Variants in GPC6 observed in about 807,000 individuals in gnomAD.
GPC6 encodes the protein glypican-6.
GPC6 carries 14 observed loss-of-function variants against 55.2 expected under a neutral mutation model. The observed-to-expected ratio is 0.25, with a 90% confidence interval of 0.17 to 0.40. The LOEUF (loss-of-function observed/expected upper bound fraction) is 0.40, where lower values mean the gene tolerates loss of function less well. GPC6 is among the 10% of genes least tolerant of loss of function. GPC6 has a pLI of 1.00. For missense variants in GPC6, 641 were observed against 708.5 expected (o/e 0.90, Z 1.08); for synonymous variants, 278 against 259.6 (o/e 1.07, Z -0.68).
At chr13:93,761,790 A>ATAT in intron 2 of GPC6, among the ~76,000 whole-genome samples, 1 of 152,302 alleles carries the variant, frequency 6.6e-6, no homozygotes, top group African/African-American at 2.4e-5. Flanking sequence ...GTAATTTTCA[A>ATAT]TATATGTATG....
chr13:94,163,684 C>T (rs886378058), intron 4 of GPC6, among the ~76,000 whole-genome samples: 1 of 152,162 alleles, frequency 6.6e-6, no homozygotes, highest in Non-Finnish European at 1.5e-5. Flanking sequence ...AATGCAACTG[C>T]TCTGCAAGGT....
chr13:93,507,426 C>T (rs970778467), intron 1 of GPC6, among the ~76,000 whole-genome samples: 1 of 152,088 alleles, frequency 6.6e-6, no homozygotes, highest in Non-Finnish European at 1.5e-5. Context: ...CTAACTCCTC[C>T]CTTCCCCCAA....
At chr13:93,943,829 G>A (rs770469561) in intron 3 of GPC6, among the ~76,000 whole-genome samples, 1 of 152,194 alleles carries the variant, frequency 6.6e-6, no homozygotes, top group Non-Finnish European at 1.5e-5. Context: ...AATAGCTGAG[G>A]ACAAGCTGGG....
chr13:94,232,704 T>C (rs1370198581), intron 4 of GPC6, among the ~76,000 whole-genome samples: 1 of 152,156 alleles, frequency 6.6e-6, no homozygotes, highest in Admixed American at 6.5e-5. Context: ...GATTCTGTAA[T>C]GGCCCATAAA....
chr13:93,435,180 C>T (rs1877521099), intron 1 of GPC6, among the ~76,000 whole-genome samples: 2 of 152,082 alleles, frequency 1.3e-5, no homozygotes, highest in African/African-American at 4.8e-5. Flanking sequence ...AGTGGTGCAG[C>T]CATAGCTCAC....
At chr13:94,355,943 C>A (rs906814073) in intron 6 of GPC6, among the ~76,000 whole-genome samples, 2 of 152,142 alleles carry the variant, frequency 1.3e-5, no homozygotes, top group Non-Finnish European at 2.9e-5. Flanking sequence ...CCCCTGCCCC[C>A]ACAACAGGCC....
At position 93,356,609 on chromosome 13, in the gene GPC6, T is replaced by C. The variant is rs553562550; in HGVS notation, c.160+128993T>C. On this transcript the variant is annotated intron_variant, in intron 1 of 8. Transcript: ENST00000377047. The stretch of plus-strand genomic sequence containing the variant: ...TATGTCCAGTAAAAGTCACTCTAGT[T>C]GACTGAATGCGGTTGGTTATCATAG... Among the ~76,000 whole-genome samples, 61 of 152,318 alleles carry C rather than the reference T, an allele frequency of 4.0e-4. 1 individual carries two copies. Among genetic ancestry groups the C allele is most frequent in the Middle Eastern group, 3.4e-3 (1 of 294 alleles).
rs189424987 is a variant in GPC6 at position 94,089,100 on chromosome 13, C to T, written c.877+61206C>T. On this transcript the variant is annotated intron_variant, in intron 4 of 8. Transcript: ENST00000377047. ...ACCAAGAAGATTCTCTGAGAAATTC[C>T]TCCAATTCAATTGATTTAGAGCATG... Among the ~76,000 whole-genome samples the T allele has an allele frequency of 7.3e-3, 1,115 of 152,252 alleles. 6 individuals are homozygous for T. Among genetic ancestry groups the T allele is most frequent in the Non-Finnish European group, 0.012 (848 of 68,016 alleles).
chr13:93,376,059 T>A (rs1874881855), intron 1 of GPC6, among the ~76,000 whole-genome samples: 1 of 151,530 alleles, frequency 6.6e-6, no homozygotes, highest in South Asian at 2.1e-4. Flanking sequence ...CTTTTTTTTT[T>A]TTTTTTTGAT....
chr13:94,079,801 A>AT, intron 4 of GPC6, among the ~76,000 whole-genome samples: 1 of 152,218 alleles, frequency 6.6e-6, no homozygotes, highest in East Asian at 1.9e-4. Context: ...TGTTTCCTAC[A>AT]TCAGACTTTT....
intron 2 of GPC6, among the ~76,000 whole-genome samples, chr13:93,639,816 C>T (rs1033118896): frequency 2.0e-5 from 3 of 152,044 alleles, no homozygotes; most frequent in Non-Finnish European, 2.9e-5. Context: ...ACAGATTCTG[C>T]AATCTGGAAT....
At chr13:94,049,758 G>C (rs1308774712) in intron 4 of GPC6, among the ~76,000 whole-genome samples, 1 of 152,048 alleles carries the variant, frequency 6.6e-6, no homozygotes, top group Non-Finnish European at 1.5e-5. Context: ...ATTTATCACA[G>C]TGTACTTTAC....
intron 1 of GPC6, among the ~76,000 whole-genome samples, chr13:93,380,793 C>A: frequency 6.6e-6 from 1 of 152,092 alleles, no homozygotes; most frequent in East Asian, 1.9e-4. Flanking sequence ...TTTCTCTTTT[C>A]TTACTCATTG....
At chr13:93,378,041 C>G (rs1281519915) in intron 1 of GPC6, among the ~76,000 whole-genome samples, 5 of 152,244 alleles carry the variant, frequency 3.3e-5, no homozygotes, top group African/African-American at 9.6e-5. Context: ...TTTTTATTTG[C>G]ATTCAAAATC....
chr13:94,045,263 A>G (rs147352420), intron 4 of GPC6, among the ~76,000 whole-genome samples: 6 of 152,046 alleles, frequency 3.9e-5, no homozygotes, highest in African/African-American at 1.2e-4. Flanking sequence ...GAGTAGATAG[A>G]CCATAAAAAG....
At chr13:94,102,661 G>GT in intron 4 of GPC6, among the ~76,000 whole-genome samples, 1 of 152,040 alleles carries the variant, frequency 6.6e-6, no homozygotes, top group East Asian at 1.9e-4. Flanking sequence ...TGCTTTGTGT[G>GT]TCTATTTAGG....
At chr13:93,256,488 C>T (rs533687772) in intron 1 of GPC6, among the ~76,000 whole-genome samples, 2 of 152,202 alleles carry the variant, frequency 1.3e-5, no homozygotes, top group East Asian at 3.9e-4. Context: ...TTTGATTAGT[C>T]TTCCCTTAGT....
intron 2 of GPC6, among the ~76,000 whole-genome samples, chr13:93,572,662 C>T (rs1249707940): frequency 6.6e-6 from 1 of 152,084 alleles, no homozygotes; most frequent in Non-Finnish European, 1.5e-5. Context: ...TATAAATTCT[C>T]AGAGATAGTA....
intron 4 of GPC6, among the ~76,000 whole-genome samples, chr13:94,272,660 G>C (rs904154572): frequency 6.6e-6 from 1 of 151,648 alleles, no homozygotes; most frequent in African/African-American, 2.4e-5. Context: ...GGTAGAGACA[G>C]GGTTTCACCG....
Sources: allele counts gnomAD v4.1 joint callset (sites outside exome capture counted in the v4.1 genomes callset), GRCh38; gene constraint gnomAD v4.1.1; transcripts MANE v1.5; gene names NCBI Gene and HGNC (gene_info 2026-07-23, HGNC 2026-07-21).